The following CDH19 variants were observed in gnomAD, a reference collection of about 807,000 sequenced individuals.
The protein encoded by CDH19 is cadherin 19.
A neutral mutation model predicts 64.2 loss-of-function variants in CDH19; 67 were observed. That is an observed-to-expected ratio of 1.04 (90% CI 0.86 to 1.28). CDH19 has a LOEUF of 1.28. Ranked by LOEUF, CDH19 falls within the 50% of genes most tolerant of loss-of-function variation. CDH19 has a pLI of 0.00. For synonymous variants in CDH19, 346 were observed against 319.3 expected, an observed-to-expected ratio of 1.08 and a Z score of -0.89; for missense variants, 1,030 against 929.0, an observed-to-expected ratio of 1.11 and a Z score of -1.41.
At chr18:66,581,784 G>A (rs964253958) in intron 1 of CDH19, among the ~76,000 whole-genome samples, 1 of 152,024 alleles carries the variant, frequency 6.6e-6, no homozygotes, top group African/African-American at 2.4e-5. Context: ...TCCTCAGCTT[G>A]CAGAGGGCCT....
rs1459302180 is a variant in CDH19 at position 66,572,209 on chromosome 18, T to A, written c.-5A>T. On this transcript the variant is annotated 5_prime_UTR_variant, in exon 2 of 12. Coordinates refer to ENST00000262150, the MANE Select transcript of CDH19 (RefSeq NM_021153.4). ...CAGCAGTAAATAACAGTTCATTGCG[T>A]TGACTCTTTTGATTCCAACTATTAC... is the stretch of plus-strand genomic sequence containing the variant. The A allele has an allele frequency of 6.2e-7, 1 of 1,604,536 alleles. No individual in the cohort carries two copies. The highest frequency in any genetic ancestry group is 8.5e-7 in the Non-Finnish European group (1 of 1,173,252).
intron 1 of CDH19, among the ~76,000 whole-genome samples, chr18:66,574,501 GA>G (rs201148383): frequency 5.4e-4 from 80 of 147,784 alleles, no homozygotes; most frequent in Admixed American, 2.2e-3. Context: ...TTCACACTGA[GA>G]AAAAAAAACA....
Position 66,544,839 on chromosome 18 carries a change from T to C in CDH19, c.840A>G (p.Ala280=). The C allele has an allele frequency of 6.2e-7, 1 of 1,613,028 alleles. No homozygotes were observed. ...CATTCTCTCCTATGTCATTATCATA[T>C]GCCATGATTGTTCCTATAGAAGTCC... ...PTGTSIGTIM[A]YDNDIGENAE... The change falls in exon 6 of 12, where the codon GCA becomes GCG. Residue 280 remains alanine (A), a synonymous_variant. Transcript: ENST00000262150.
chr18:66,549,653 A>C (rs547491157), intron 5 of CDH19, among the ~76,000 whole-genome samples: 1 of 152,250 alleles, frequency 6.6e-6, no homozygotes, highest in African/African-American at 2.4e-5. Context: ...GACAAAATTT[A>C]AAATTGTGAG....
chr18:66,517,243 G>T (rs1985777156), intron 9 of CDH19, among the ~76,000 whole-genome samples: 1 of 151,964 alleles, frequency 6.6e-6, no homozygotes, highest in Non-Finnish European at 1.5e-5. Flanking sequence ...ATCACAAAAT[G>T]CAACCACTGA....
At position 66,501,578 on chromosome 18, in the gene CDH19, G is replaced by T. The variant is rs1488109099; in HGVS notation, c.*3234C>A. 6.6e-6 allele frequency: 1 copy of T among 152,148 alleles called. No homozygotes were observed. The highest frequency in any genetic ancestry group is 1.9e-4 in the East Asian group (1 of 5,186). The allele number at this position is 152,148 out of a possible 1,614,324, so 9.4% of individuals were successfully genotyped here. On this transcript the variant is annotated 3_prime_UTR_variant, in exon 12 of 12. Coordinates refer to ENST00000262150, the MANE Select transcript of CDH19 (RefSeq NM_021153.4). ...GAGGAAGTTGACTTTTATTTTCAAT[G>T]TGCCGTGAGGCTGTTGAGATCACTC... is the stretch of plus-strand genomic sequence containing the variant.
intron 1 of CDH19, among the ~76,000 whole-genome samples, chr18:66,574,085 C>A (rs1248209869): frequency 3.3e-5 from 5 of 151,600 alleles, no homozygotes; most frequent in African/African-American, 1.2e-4. Flanking sequence ...TTTTTTGGTA[C>A]ATTTCTCAAT....
chr18:66,573,119 T>G (rs1988157994), intron 1 of CDH19, among the ~76,000 whole-genome samples: 2 of 151,696 alleles, frequency 1.3e-5, no homozygotes, highest in Admixed American at 1.3e-4. Context: ...TCTCTCTTCA[T>G]GATGGGTACC....
intron 3 of CDH19, among the ~76,000 whole-genome samples, chr18:66,555,164 A>G (rs1010147458): frequency 1.3e-5 from 2 of 151,914 alleles, no homozygotes; most frequent in African/African-American, 2.4e-5. Context: ...ATAATTATGT[A>G]TACATTTAAA....
chr18:66,595,707 C>T (rs573587889), intron 1 of CDH19, among the ~76,000 whole-genome samples: 4 of 152,042 alleles, frequency 2.6e-5, no homozygotes, highest in South Asian at 4.2e-4. Context: ...TTGGACTAGA[C>T]GAATTCACAG....
rs111989711 is a variant in CDH19 at position 66,552,396 on chromosome 18, G to T, written c.611-1138C>A. The stretch of plus-strand genomic sequence containing the variant: ...ATTTAATATAATATAATTTTTTAAA[G>T]AATTGTTATATGAACTTTTAAAAGA... On this transcript the variant is annotated intron_variant, in intron 4 of 11. Transcript: ENST00000262150. 9.2e-3 allele frequency among the ~76,000 whole-genome samples: 1,370 copies of T among 148,822 alleles called. 19 individuals are homozygous for T. The highest frequency in any genetic ancestry group is 0.032 in the African/African-American group (1,258 of 39,030).
chr18:66,571,174 C>G (rs1988090893), intron 2 of CDH19, among the ~76,000 whole-genome samples: 1 of 151,504 alleles, frequency 6.6e-6, no homozygotes, highest in South Asian at 2.1e-4. Flanking sequence ...TAATCTAAGG[C>G]TTTGGTTGAA....
intron 1 of CDH19, among the ~76,000 whole-genome samples, chr18:66,579,873 C>T (rs1302481422): frequency 1.3e-5 from 2 of 151,836 alleles, no homozygotes; most frequent in Non-Finnish European, 1.5e-5. Context: ...AAAACACGCC[C>T]TATTTTTAGT....
chr18:66,535,176 T>G (rs1046995504), intron 7 of CDH19, 69 bp from the exon 8 acceptor site: 16 of 960,092 alleles, frequency 1.7e-5, no homozygotes, highest in Middle Eastern at 3.1e-4. Context: ...ATAATACTCT[T>G]TAAGCAATAA....
intron 1 of CDH19, among the ~76,000 whole-genome samples, chr18:66,595,028 A>T (rs921902073): frequency 6.7e-6 from 1 of 150,144 alleles, no homozygotes; most frequent in African/African-American, 2.4e-5. Context: ...AATTAAATTA[A>T]AAAAAAAAGA....
intron 9 of CDH19, among the ~76,000 whole-genome samples, chr18:66,524,643 A>G (rs1173880473): frequency 3.3e-5 from 5 of 150,898 alleles, no homozygotes; most frequent in Non-Finnish European, 5.9e-5. Flanking sequence ...ATAAAAATAA[A>G]GAGTACTCTA....
At chr18:66,513,710 A>G (rs2144355814) in intron 9 of CDH19, among the ~76,000 whole-genome samples, 1 of 151,608 alleles carries the variant, frequency 6.6e-6, no homozygotes, top group African/African-American at 2.4e-5. Context: ...TCTGGGAACT[A>G]TCGTTGACCT....
chr18:66,579,554 T>G lies in CDH19; in HGVS notation c.-112-7238A>C, dbSNP rs575014233. On this transcript the variant is annotated intron_variant, in intron 1 of 11. Transcript: ENST00000262150. ...CCACAAGGTCTGAATATACAATAAA[T>G]TTTAAAAAAGCATTGATCTACCACA... Among the ~76,000 whole-genome samples the G allele has an allele frequency of 2.0e-5, 3 of 151,880 alleles. No homozygotes were observed. In the South Asian group the frequency reaches 6.2e-4, roughly 31 times the overall value.
chr18:66,564,856 A>G (rs1599019593), intron 3 of CDH19, among the ~76,000 whole-genome samples: 1 of 119,428 alleles, frequency 8.4e-6, no homozygotes, highest in African/African-American at 3.3e-5. Context: ...CGTATTTTAA[A>G]TGCCCCTTCT....
Sources: gnomAD v4.1 joint callset for allele counts (sites outside exome capture counted in the v4.1 genomes callset) on GRCh38, gnomAD v4.1.1 for gene constraint, MANE v1.5 for transcripts, NCBI Gene and HGNC (gene_info 2026-07-23, HGNC 2026-07-21) for gene names.